The following LRP1B variants were observed in gnomAD, a reference collection of about 807,000 sequenced individuals.
LRP1B encodes low-density lipoprotein receptor-related protein 1B.
A neutral mutation model predicts 556.6 loss-of-function variants in LRP1B; 217 were observed. The ratio of observed to expected loss-of-function variants is 0.39; its 90% CI spans 0.35 to 0.44. The LOEUF (loss-of-function observed/expected upper bound fraction) is 0.44. Among genes scored for constraint, LRP1B ranks in the 20% least tolerant of loss-of-function variants. The pLI is 1.00. For missense variants in LRP1B, 5,053 were observed against 5,620.8 expected, an observed-to-expected ratio of 0.90 and a Z score of 3.23; for synonymous variants, 2,047 against 1,865.8, an observed-to-expected ratio of 1.10 and a Z score of -2.50.
intron 3 of LRP1B, among the ~76,000 whole-genome samples, chr2:141,273,676 G>C (rs908583617): frequency 2.6e-5 from 4 of 152,092 alleles, no homozygotes; most frequent in Non-Finnish European, 5.9e-5. Flanking sequence ...TAGAAAAAAG[G>C]CTTGTTTGGT....
At chr2:141,522,489 T>C (rs1684561434) in intron 2 of LRP1B, among the ~76,000 whole-genome samples, 2 of 152,172 alleles carry the variant, frequency 1.3e-5, no homozygotes, top group Admixed American at 1.3e-4. Context: ...AATTCATTTA[T>C]GAAGGTGCAT....
intron 2 of LRP1B, among the ~76,000 whole-genome samples, chr2:141,780,217 CA>C (rs1417339767): frequency 2.6e-5 from 4 of 151,658 alleles, no homozygotes; most frequent in Admixed American, 2.0e-4. Flanking sequence ...CCAAATGTGT[CA>C]ATTATAGGAA....
intron 3 of LRP1B, among the ~76,000 whole-genome samples, chr2:141,270,954 G>C (rs1246803301): frequency 6.6e-6 from 1 of 151,876 alleles, no homozygotes; most frequent in Non-Finnish European, 1.5e-5. Context: ...TTATATGTGT[G>C]TTACCACAAT....
At chr2:140,779,101 C>A (rs540274870) in intron 32 of LRP1B, among the ~76,000 whole-genome samples, 143 of 151,752 alleles carry the variant, frequency 9.4e-4, no homozygotes, top group Non-Finnish European at 1.7e-3. Context: ...ATAAAATGGT[C>A]CTGCAACCAA....
At chr2:141,159,566 G>A (rs368449302) in intron 7 of LRP1B, among the ~76,000 whole-genome samples, 4 of 151,968 alleles carry the variant, frequency 2.6e-5, no homozygotes, top group Admixed American at 1.3e-4. Context: ...TGAGAGATCC[G>A]AGGGTAATTC....
chr2:141,704,099 T>A (rs1483317889), intron 2 of LRP1B, among the ~76,000 whole-genome samples: 3 of 151,952 alleles, frequency 2.0e-5, no homozygotes, highest in Admixed American at 1.3e-4. Flanking sequence ...TCCATTTTAA[T>A]GAGAAAAATG....
chr2:141,610,712 T>C (rs2105321754), intron 2 of LRP1B, among the ~76,000 whole-genome samples: 1 of 152,362 alleles, frequency 6.6e-6, no homozygotes, highest in Middle Eastern at 3.4e-3. Flanking sequence ...TCTGCCTTTT[T>C]CATCATGATT....
chr2:141,244,156 T>G (rs1683985509), intron 5 of LRP1B, among the ~76,000 whole-genome samples: 1 of 152,210 alleles, frequency 6.6e-6, no homozygotes, highest in Non-Finnish European at 1.5e-5. Context: ...TGCCTCTCTC[T>G]GCCGTCACAT....
At chr2:141,393,552 T>A (rs1690132880) in intron 3 of LRP1B, among the ~76,000 whole-genome samples, 1 of 152,166 alleles carries the variant, frequency 6.6e-6, no homozygotes, top group Admixed American at 6.5e-5. Flanking sequence ...TATTCCCTCA[T>A]CAAGCATTCG....
chr2:141,134,303 T>C (rs1701437030), intron 7 of LRP1B, among the ~76,000 whole-genome samples: 1 of 151,912 alleles, frequency 6.6e-6, no homozygotes, highest in South Asian at 2.1e-4. Context: ...ATTATAGTCA[T>C]ATTTTAAAAT....
At chr2:141,432,324 C>T (rs778376934) in intron 3 of LRP1B, among the ~76,000 whole-genome samples, 6 of 151,942 alleles carry the variant, frequency 3.9e-5, no homozygotes, top group African/African-American at 7.2e-5. Flanking sequence ...TGTTATATGT[C>T]GTTAGCTTTG....
At chr2:141,708,473 A>G (rs1056604735) in intron 2 of LRP1B, among the ~76,000 whole-genome samples, 1 of 152,134 alleles carries the variant, frequency 6.6e-6, no homozygotes, top group Non-Finnish European at 1.5e-5. Context: ...GTGCAAGCAC[A>G]CACATACCGA....
chr2:140,485,119 GT>G lies in LRP1B; in HGVS notation c.9425+223del, dbSNP rs149199525. Among the ~76,000 whole-genome samples, 514 of 152,210 alleles carry G rather than the reference GT, an allele frequency of 3.4e-3. 8 individuals carry two copies. Among genetic ancestry groups the G allele is most frequent in the African/African-American group, 0.012 (481 of 41,530 alleles). Reference sequence around the variant, plus strand: ...TTTATCAACTAGTTGGAAAATAGCTGTGTTTAAAACTTTAAAAAAATAGTTT... The same window carrying G: ...TTTATCAACTAGTTGGAAAATAGCTGGTTTAAAACTTTAAAAAAATAGTTT... On this transcript the variant is annotated intron_variant, in intron 59 of 90. Coordinates refer to ENST00000389484, the MANE Select transcript of LRP1B (RefSeq NM_018557.3).
rs935875839 is a variant in LRP1B at position 140,475,417 on chromosome 2, C to G, written c.9426-80G>C. 69 of 1,021,088 alleles carry G rather than the reference C, an allele frequency of 6.8e-5. No homozygotes were observed. The African/African-American group carries it at 8.6e-4, about 13-fold the overall frequency. 63.3% of individuals were successfully genotyped at this position (1,021,088 alleles called of 1,614,324 possible). A position where few individuals can be genotyped will look rare whatever the true frequency, so the allele number is the denominator to read the frequency against. On this transcript the variant is annotated intron_variant, in intron 59 of 90. Coordinates refer to ENST00000389484, the MANE Select transcript of LRP1B (RefSeq NM_018557.3). Reference sequence around the variant, plus strand: ...ACAAACAATATATTACTTTTTTGCTCAACTGTTCCCACATTAATCTTGCCA... The same window carrying G: ...ACAAACAATATATTACTTTTTTGCTGAACTGTTCCCACATTAATCTTGCCA...
intron 2 of LRP1B, among the ~76,000 whole-genome samples, chr2:141,597,074 ACACACACAC>A (rs1559165553): frequency 6.6e-6 from 1 of 151,056 alleles, no homozygotes; most frequent in African/African-American, 2.5e-5. Context: ...ACACACACAC[ACACACACAC>A]ATCTGCATTC....
intron 7 of LRP1B, among the ~76,000 whole-genome samples, chr2:141,186,078 CAA>C: frequency 1.3e-5 from 1 of 77,612 alleles, no homozygotes; most frequent in East Asian, 4.1e-4. Context: ...GACTCTGTCT[CAA>C]AAAAAAAAAA....
intron 1 of LRP1B, among the ~76,000 whole-genome samples, chr2:141,929,365 TATC>T (rs1227041829): frequency 6.6e-6 from 1 of 152,140 alleles, no homozygotes; most frequent in African/African-American, 2.4e-5. Flanking sequence ...TTAATATTCC[TATC>T]ATCATATAGC....
intron 5 of LRP1B, among the ~76,000 whole-genome samples, chr2:141,229,915 C>T (rs2105295742): frequency 6.6e-6 from 1 of 152,306 alleles, no homozygotes; most frequent in Admixed American, 6.5e-5. Context: ...ACTTTGGCCT[C>T]ACTGGCTCCT....
At position 141,241,883 on chromosome 2, in the gene LRP1B, C is replaced by T. The variant is rs72979257; in HGVS notation, c.592+5343G>A. Among the ~76,000 whole-genome samples the T allele has an allele frequency of 2.9e-3, 447 of 151,800 alleles. 2 individuals are homozygous for T. Among genetic ancestry groups the T allele is most frequent in the African/African-American group, 0.01 (419 of 41,410 alleles). ...CATCAAGTGCTATTTGAAGTTACGG[C>T]TCAATGAAATAATAACTTATGCAGG... On this transcript the variant is annotated intron_variant, in intron 5 of 90. Transcript: ENST00000389484.
Sources: gnomAD v4.1 joint callset for allele counts (sites outside exome capture counted in the v4.1 genomes callset) on GRCh38, gnomAD v4.1.1 for gene constraint, MANE v1.5 for transcripts, NCBI Gene and HGNC (gene_info 2026-07-23, HGNC 2026-07-21) for gene names.